Variants in CNTNAP2 observed in about 807,000 individuals in gnomAD.
The protein encoded by CNTNAP2 is contactin associated protein 2, also known as contactin-associated protein-like 2.
CNTNAP2 carries 98 observed loss-of-function variants against 155.2 expected under a neutral mutation model. That is an observed-to-expected ratio of 0.63 (90% confidence interval 0.54 to 0.75). CNTNAP2 has a LOEUF of 0.75. Among genes scored for constraint, CNTNAP2 ranks in the 30% least tolerant of loss-of-function variants. The probability of loss-of-function intolerance (pLI) is 0.00; values close to 1 mark genes in which losing one functional copy is unlikely to be tolerated. For missense variants in CNTNAP2, 1,727 were observed against 1,688.1 expected, an observed-to-expected ratio of 1.02 and a Z score of -0.40; for synonymous variants, 651 against 631.2, an observed-to-expected ratio of 1.03 and a Z score of -0.47.
At chr7:147,937,009 G>A (rs1007902671) in intron 14 of CNTNAP2, among the ~76,000 whole-genome samples, 3 of 151,918 alleles carry the variant, frequency 2.0e-5, no homozygotes, top group Non-Finnish European at 4.4e-5. Context: ...GTCTCTACCA[G>A]TATTTTCTCT....
intron 1 of CNTNAP2, among the ~76,000 whole-genome samples, chr7:146,301,275 A>G (rs1194115044): frequency 2.0e-5 from 3 of 152,170 alleles, no homozygotes; most frequent in Admixed American, 6.5e-5. Context: ...GAAGAAAAGA[A>G]GACTATTCCA....
At chr7:147,663,648 T>C (rs1207230731) in intron 13 of CNTNAP2, among the ~76,000 whole-genome samples, 3 of 152,248 alleles carry the variant, frequency 2.0e-5, no homozygotes, top group Non-Finnish European at 4.4e-5. Flanking sequence ...CCTCACGAAG[T>C]AGTATCCTGA....
intron 4 of CNTNAP2, among the ~76,000 whole-genome samples, chr7:147,105,137 T>C (rs1800739540): frequency 6.6e-6 from 1 of 151,422 alleles, no homozygotes; most frequent in Non-Finnish European, 1.5e-5. Context: ...AAATATCAAA[T>C]AAACTTAAAA....
intron 9 of CNTNAP2, among the ~76,000 whole-genome samples, chr7:147,373,969 GCAAA>G: frequency 6.6e-6 from 1 of 151,786 alleles, no homozygotes; most frequent in Middle Eastern, 3.4e-3. Context: ...GAAAAAAAAA[GCAAA>G]CATAGACTGC....
intron 9 of CNTNAP2, among the ~76,000 whole-genome samples, chr7:147,375,966 T>A (rs1313855245): frequency 6.6e-6 from 1 of 152,012 alleles, no homozygotes; most frequent in Admixed American, 6.6e-5. Flanking sequence ...GCTTCTATCA[T>A]CTCCCCTAGA....
chr7:146,499,782 T>C lies in CNTNAP2; in HGVS notation c.98-274489T>C, dbSNP rs56123027. 9.4e-3 allele frequency among the ~76,000 whole-genome samples: 1,435 copies of C among 152,316 alleles called. 14 individuals are homozygous for C. The highest frequency in any genetic ancestry group is 0.032 in the African/African-American group (1,348 of 41,578). On this transcript the variant is annotated intron_variant, in intron 1 of 23. Transcript: ENST00000361727. ...TGCAAGAATAGCCACTGGTGTTGTA[T>C]TGAAGCTGTATATCAATTTGAGGAG...
chr7:147,280,685 A>T (rs961845726), intron 8 of CNTNAP2, among the ~76,000 whole-genome samples: 4 of 151,952 alleles, frequency 2.6e-5, no homozygotes, highest in Admixed American at 2.6e-4. Flanking sequence ...ATTAGTAACA[A>T]TAACTGTTAT....
intron 8 of CNTNAP2, among the ~76,000 whole-genome samples, chr7:147,253,365 T>A (rs1337355846): frequency 6.6e-6 from 1 of 150,782 alleles, no homozygotes; most frequent in East Asian, 1.9e-4. Flanking sequence ...TCCTGCTGAT[T>A]AGCTTAACAG....
chr7:147,786,587 G>C (rs1243784935), intron 13 of CNTNAP2, among the ~76,000 whole-genome samples: 3 of 152,176 alleles, frequency 2.0e-5, no homozygotes, highest in African/African-American at 7.2e-5. Context: ...CAGCAGCGTG[G>C]GGAGTGCAGT....
chr7:147,500,340 C>G (rs1024754667), intron 11 of CNTNAP2, among the ~76,000 whole-genome samples: 3 of 151,988 alleles, frequency 2.0e-5, no homozygotes, highest in Non-Finnish European at 2.9e-5. Context: ...CTCTTACAAA[C>G]CATGAACAGT....
At chr7:146,137,214 T>A (rs1185278509) in intron 1 of CNTNAP2, among the ~76,000 whole-genome samples, 2 of 152,166 alleles carry the variant, frequency 1.3e-5, no homozygotes, top group African/African-American at 4.8e-5. Context: ...CGATTTGCTC[T>A]GAAACTTTGT....
chr7:146,340,961 A>C (rs1279672966), intron 1 of CNTNAP2, among the ~76,000 whole-genome samples: 1 of 152,180 alleles, frequency 6.6e-6, no homozygotes, highest in African/African-American at 2.4e-5. Flanking sequence ...ACAAGAAGAA[A>C]ATATCTCTTC....
intron 1 of CNTNAP2, among the ~76,000 whole-genome samples, chr7:146,149,098 T>TGCA (rs1797997041): frequency 6.6e-6 from 1 of 151,860 alleles, no homozygotes; most frequent in Non-Finnish European, 1.5e-5. Flanking sequence ...AGTTAATGGG[T>TGCA]GCAGCACACC....
intron 1 of CNTNAP2, among the ~76,000 whole-genome samples, chr7:146,429,496 C>G (rs34119163): frequency 6.6e-6 from 1 of 151,656 alleles, no homozygotes; most frequent in African/African-American, 2.4e-5. Context: ...CAGTTGTGAA[C>G]GGGAGTTCAT....
intron 1 of CNTNAP2, among the ~76,000 whole-genome samples, chr7:146,574,504 C>A (rs1798492407): frequency 6.6e-6 from 1 of 152,074 alleles, no homozygotes; most frequent in Non-Finnish European, 1.5e-5. Context: ...AGATCAAGAC[C>A]ATTCTGGCCA....
chr7:148,284,688 G>A (rs559464517), intron 21 of CNTNAP2, among the ~76,000 whole-genome samples: 44 of 151,908 alleles, frequency 2.9e-4, no homozygotes, highest in African/African-American at 9.7e-4. Flanking sequence ...CTTAAGGTCC[G>A]TGGAAGGGGA....
intron 10 of CNTNAP2, among the ~76,000 whole-genome samples, chr7:147,412,870 T>C (rs1298822139): frequency 6.6e-6 from 1 of 152,164 alleles, no homozygotes; most frequent in African/African-American, 2.4e-5. Context: ...TTGCCCAAAA[T>C]TCTCAGAATG....
chr7:146,189,995 A>G lies in CNTNAP2; in HGVS notation c.97+73022A>G, dbSNP rs12703787. On this transcript the variant is annotated intron_variant, in intron 1 of 23. Coordinates refer to ENST00000361727, the MANE Select transcript of CNTNAP2 (RefSeq NM_014141.6). The stretch of plus-strand genomic sequence containing the variant: ...AATGGAGGAGTAATTTTCTCACATA[A>G]GTTTGTGATTTTGTGGCTAATCTTC... Among the ~76,000 whole-genome samples, 774 of 152,206 alleles carry G rather than the reference A, an allele frequency of 5.1e-3. 5 individuals carry two copies. Among genetic ancestry groups the G allele is most frequent in the Non-Finnish European group, 7.7e-3 (521 of 68,024 alleles).
At chr7:147,593,249 C>G (rs1800772812) in intron 12 of CNTNAP2, among the ~76,000 whole-genome samples, 2 of 147,460 alleles carry the variant, frequency 1.4e-5, no homozygotes, top group African/African-American at 5.0e-5. Flanking sequence ...TCCCTTTGGC[C>G]AAATAGTAGA....
Sources: allele counts gnomAD v4.1 joint callset (sites outside exome capture counted in the v4.1 genomes callset), GRCh38; gene constraint gnomAD v4.1.1; transcripts MANE v1.5; gene names NCBI Gene and HGNC (gene_info 2026-07-23, HGNC 2026-07-21).